Variants in NCOA7 observed in about 807,000 individuals in gnomAD.
NCOA7 encodes 140 kDa estrogen receptor-associated protein.
Under a neutral mutation model 104.3 loss-of-function variants are expected in NCOA7, and 45 were observed. The observed-to-expected ratio is 0.43, with a 90% CI of 0.34 to 0.55. The LOEUF (loss-of-function observed/expected upper bound fraction) is 0.55. NCOA7 is among the 20% of genes least tolerant of loss of function. The pLI, the probability that NCOA7 is intolerant of heterozygous loss-of-function variation, is 0.02. For missense variants in NCOA7, 1,041 were observed against 1,119.7 expected (o/e 0.93, Z 1.00); for synonymous variants, 398 against 402.3 (o/e 0.99, Z 0.13).
chr6:125,890,574 A>T, intron 9 of NCOA7, 68 bp from the exon 10 acceptor site: 1 of 1,444,114 alleles, frequency 6.9e-7, no homozygotes, highest in Non-Finnish European at 9.3e-7. Context: ...TATTTTTTTT[A>T]AGTTGAAAAA....
chr6:125,821,216 G>C (rs1025290205), intron 2 of NCOA7, among the ~76,000 whole-genome samples: 5 of 152,066 alleles, frequency 3.3e-5, no homozygotes, highest in African/African-American at 9.7e-5. Flanking sequence ...TATGAAAAAG[G>C]CTTTTGTAAA....
intron 3 of NCOA7, among the ~76,000 whole-genome samples, chr6:125,863,060 TA>T (rs1782182012): frequency 7.2e-6 from 1 of 139,180 alleles, no homozygotes; most frequent in Non-Finnish European, 1.5e-5. Flanking sequence ...AAAAATATGG[TA>T]AACTGTGTTC....
intron 3 of NCOA7, chr6:125,855,467 A>G (rs1474590016): frequency 6.8e-6 from 3 of 438,152 alleles, no homozygotes; most frequent in South Asian, 5.6e-5. Flanking sequence ...CCCAGAATGT[A>G]TTGTGTACTA....
rs1219986127 is a variant in NCOA7 at position 125,862,689 on chromosome 6, A to G, written c.271+7449A>G. On this transcript the variant is annotated intron_variant, in intron 3 of 15. Transcript: ENST00000392477. ...CATTTTCAACATTATTGACTTTTCCATTCACACTGTTGGCAAAAACTACTT... is the reference window on the plus strand; with the variant it reads ...CATTTTCAACATTATTGACTTTTCCGTTCACACTGTTGGCAAAAACTACTT... Among the ~76,000 whole-genome samples, 4 of 137,656 alleles carry G rather than the reference A, an allele frequency of 2.9e-5. 1 individual carries two copies. The highest frequency in any genetic ancestry group is 9.1e-5 in the African/African-American group (3 of 32,932). The allele number at this position is 137,656 out of a possible 152,430, so 90.3% of individuals were successfully genotyped here. A position where few individuals can be genotyped will look rare whatever the true frequency, so the allele number is the denominator to read the frequency against.
rs762943973 is a variant in NCOA7 at position 125,885,198 on chromosome 6, A to C, written c.739A>C (p.Ile247Leu). Residue 247 changes from isoleucine (I) to leucine (L), a missense_variant, in exon 8 of 16, where the codon ATC becomes CTC. By Grantham distance (5) the Ile-to-Leu change is conservative. Transcript: ENST00000392477. ...TGTTATGATAGTGACTCCTAACAAC[A>C]TCATGTTTGACCCTCATAAATCTGA... ...GGVMIVTPNN[I>L]MFDPHKSDPL... is the part of the protein sequence containing the mutation. 1 of 1,614,048 alleles carries C rather than the reference A, an allele frequency of 6.2e-7. No individual in the cohort carries two copies. Among genetic ancestry groups the C allele is most frequent in the Non-Finnish European group, 8.5e-7 (1 of 1,179,938 alleles).
chr6:125,927,641 C>T, intron 13 of NCOA7, 22 bp from the exon 14 acceptor site: 1 of 1,579,664 alleles, frequency 6.3e-7, no homozygotes, highest in Non-Finnish European at 8.7e-7. Context: ...ATGTAGGTAA[C>T]ATTTCTGTTT....
chr6:125,831,813 A>G (rs1224062662), intron 2 of NCOA7, among the ~76,000 whole-genome samples: 1 of 152,186 alleles, frequency 6.6e-6, no homozygotes, highest in East Asian at 1.9e-4. Context: ...ACTTCTGCAT[A>G]TGCTGAGCTT....
chr6:125,827,786 G>C (rs1019946045), intron 2 of NCOA7, among the ~76,000 whole-genome samples: 1 of 152,192 alleles, frequency 6.6e-6, no homozygotes, highest in Admixed American at 6.5e-5. Flanking sequence ...GATGGCCAAT[G>C]TTCCTTGAAC....
chr6:125,888,965 T>C lies in NCOA7; in HGVS notation c.911T>C (p.Leu304Pro), dbSNP rs1256418197. 1 of 1,612,438 alleles carries C rather than the reference T, an allele frequency of 6.2e-7. No individual in the cohort carries two copies. The highest frequency in any genetic ancestry group is 2.2e-5 in the East Asian group (1 of 44,858). ...PSDLPQDLCPLYRPGEWEDLA... is the reference protein window; with the variant it reads ...PSDLPQDLCPPYRPGEWEDLA... ...GACCTACCTCAGGATCTTTGTCCTCTGTACAGGCCTGGAGAATGGGAAGAC... is the reference window on the plus strand; with the variant it reads ...GACCTACCTCAGGATCTTTGTCCTCCGTACAGGCCTGGAGAATGGGAAGAC... The change falls in exon 9 of 16, where the codon CTG (leucine) becomes CCG (proline). Residue 304 changes from leucine (L) to proline (P), a missense_variant. Around this residue, in one of 2 missense-constraint regions of NCOA7, gnomAD observed 914 missense variants for 942.7 expected, o/e 0.97. Coordinates refer to ENST00000392477, the MANE Select transcript of NCOA7 (RefSeq NM_181782.5).
rs182725852 is a variant in NCOA7, at chr6:125,824,552, A to G, written c.50+9148A>G. ...TTTAATATAAAAGCTTGCTCCCTAAATGGTGAATACAGGAATAAATGAGAA... is the reference window on the plus strand; with the variant it reads ...TTTAATATAAAAGCTTGCTCCCTAAGTGGTGAATACAGGAATAAATGAGAA... On this transcript the variant is annotated intron_variant, in intron 2 of 15. Coordinates refer to ENST00000392477, the MANE Select transcript of NCOA7 (RefSeq NM_181782.5). Among the ~76,000 whole-genome samples the G allele has an allele frequency of 4.6e-3, 697 of 152,328 alleles. 2 individuals are homozygous for G. The highest frequency in any genetic ancestry group is 6.3e-3 in the Non-Finnish European group (427 of 68,028).
chr6:125,908,539 A>G (rs1044995800), intron 10 of NCOA7, among the ~76,000 whole-genome samples: 1 of 152,326 alleles, frequency 6.6e-6, no homozygotes, highest in African/African-American at 2.4e-5. Flanking sequence ...GAGAAGCTCT[A>G]ATAATATTGA....
At chr6:125,862,048 A>C (rs1782108360) in intron 3 of NCOA7, among the ~76,000 whole-genome samples, 1 of 128,746 alleles carries the variant, frequency 7.8e-6, no homozygotes, top group Non-Finnish European at 1.6e-5. Flanking sequence ...AAAAAAAAAA[A>C]AAAAAAAAAA....
At chr6:125,789,302 G>A (rs2474154), upstream of NCOA7, among the ~76,000 whole-genome samples, 11,772 of 152,198 alleles carry the variant, frequency 0.077, 596 homozygotes, top group Middle Eastern at 0.12. Flanking sequence ...GCTCCCACAG[G>A]GCCTCACACC....
intron 2 of NCOA7, among the ~76,000 whole-genome samples, chr6:125,818,099 C>T (rs1384569736): frequency 1.3e-5 from 2 of 151,458 alleles, no homozygotes; most frequent in Non-Finnish European, 2.9e-5. Flanking sequence ...CCTCCTCCTT[C>T]CTCCTCCTCC....
intron 2 of NCOA7, among the ~76,000 whole-genome samples, chr6:125,842,404 G>A (rs1479137846): frequency 1.3e-5 from 2 of 152,042 alleles, no homozygotes; most frequent in Non-Finnish European, 2.9e-5. Context: ...CCAGAATTAT[G>A]TCACTGCAAT....
chr6:125,791,836 G>T (rs563365284), intron 1 of NCOA7, among the ~76,000 whole-genome samples: 1 of 152,336 alleles, frequency 6.6e-6, no homozygotes, highest in Admixed American at 6.5e-5. Flanking sequence ...GTATTTCTCA[G>T]AAACTGGTTA....
At chr6:125,790,536 G>A (rs1227313369), upstream of NCOA7, among the ~76,000 whole-genome samples, 1 of 152,106 alleles carries the variant, frequency 6.6e-6, no homozygotes, top group East Asian at 1.9e-4. Context: ...AGCAGCCGCG[G>A]GTAGCCGGGG....
chr6:125,795,067 G>A (rs1261783880), intron 1 of NCOA7, among the ~76,000 whole-genome samples: 1 of 152,110 alleles, frequency 6.6e-6, no homozygotes, highest in Non-Finnish European at 1.5e-5. Flanking sequence ...CTGATGTTTT[G>A]ACACCTAATT....
At chr6:125,878,626 C>T (rs1324634079) in intron 5 of NCOA7, among the ~76,000 whole-genome samples, 1 of 152,170 alleles carries the variant, frequency 6.6e-6, no homozygotes, top group East Asian at 1.9e-4. Context: ...CCTCCCACCT[C>T]AGCCTCCCAA....
Sources: allele counts gnomAD v4.1 joint callset (sites outside exome capture counted in the v4.1 genomes callset), GRCh38; gene constraint gnomAD v4.1.1; regional missense constraint gnomAD v4.1.1; transcripts MANE v1.5; gene names NCBI Gene and HGNC (gene_info 2026-07-23, HGNC 2026-07-21).